Variants in ADAMTS16 observed in about 807,000 individuals in gnomAD.
The protein encoded by ADAMTS16 is A disintegrin and metalloproteinase with thrombospondin motifs 16.
ADAMTS16 carries 94 observed loss-of-function variants against 145.8 expected under a neutral mutation model. The observed-to-expected ratio is 0.64, with a 90% confidence interval of 0.55 to 0.77. The LOEUF (loss-of-function observed/expected upper bound fraction) is 0.77. ADAMTS16 is among the 30% of genes least tolerant of loss of function. ADAMTS16 has a pLI of 0.00. For missense variants in ADAMTS16, 1,585 were observed against 1,591.5 expected (o/e 1.00, Z 0.07); for synonymous variants, 659 against 604.3 (o/e 1.09, Z -1.33).
chr5:5,238,601 A>C (rs1203572567), intron 14 of ADAMTS16, among the ~76,000 whole-genome samples: 2 of 152,104 alleles, frequency 1.3e-5, no homozygotes, highest in Admixed American at 1.3e-4. Context: ...TTTTTTTTGT[A>C]CATATAGAGC....
chr5:5,190,161 T>G, intron 7 of ADAMTS16, 31 bp downstream of exon 7: 1 of 1,536,700 alleles, frequency 6.5e-7, no homozygotes. Flanking sequence ...GTGAGGACCG[T>G]GTGTGGAATG....
At chr5:5,303,052 A>AATGACAGAGCATGAATCAGG (rs1170501995) in intron 18 of ADAMTS16, among the ~76,000 whole-genome samples, 1 of 152,220 alleles carries the variant, frequency 6.6e-6, no homozygotes. Context: ...GAAGGGAAAG[A>AATGACAGAGCATGAATCAGG]ATGACAGAGC....
At chr5:5,198,831 TC>T (rs1394852101) in intron 8 of ADAMTS16, among the ~76,000 whole-genome samples, 2 of 152,220 alleles carry the variant, frequency 1.3e-5, no homozygotes, top group Non-Finnish European at 2.9e-5. Context: ...TGTCTTCCTG[TC>T]CCTGCTGCCT....
intron 12 of ADAMTS16, among the ~76,000 whole-genome samples, chr5:5,233,211 G>T (rs915287493): frequency 1.4e-4 from 22 of 152,170 alleles, no homozygotes; most frequent in African/African-American, 5.1e-4. Flanking sequence ...CAAATTTGGG[G>T]GTTTTCCATC....
At chr5:5,197,383 G>C (rs1043652430) in intron 8 of ADAMTS16, among the ~76,000 whole-genome samples, 2 of 152,170 alleles carry the variant, frequency 1.3e-5, no homozygotes, top group African/African-American at 4.8e-5. Flanking sequence ...ATTTCCGTCT[G>C]GGTATTTGAG....
At chr5:5,208,544 T>A (rs188276916) in intron 9 of ADAMTS16, among the ~76,000 whole-genome samples, 64 of 152,228 alleles carry the variant, frequency 4.2e-4, no homozygotes, top group African/African-American at 1.5e-3. Context: ...GACTTGGGGG[T>A]CATCAGAAAT....
chr5:5,162,201 C>G (rs976097531), intron 3 of ADAMTS16, among the ~76,000 whole-genome samples: 1 of 152,224 alleles, frequency 6.6e-6, no homozygotes, highest in East Asian at 1.9e-4. Flanking sequence ...GAAACAAGCA[C>G]CTACTGTATG....
intron 18 of ADAMTS16, among the ~76,000 whole-genome samples, chr5:5,289,651 G>C (rs536537354): frequency 1.3e-5 from 2 of 152,226 alleles, no homozygotes; most frequent in Non-Finnish European, 2.9e-5. Flanking sequence ...TAAATCAGCA[G>C]GTGGCAACCT....
At chr5:5,163,749 G>C (rs1288051110) in intron 3 of ADAMTS16, among the ~76,000 whole-genome samples, 1 of 152,200 alleles carries the variant, frequency 6.6e-6, no homozygotes, top group African/African-American at 2.4e-5. Context: ...AGGTCAACTT[G>C]CTTGAGAGTA....
At chr5:5,250,839 A>T (rs1453529472) in intron 17 of ADAMTS16, among the ~76,000 whole-genome samples, 1 of 152,104 alleles carries the variant, frequency 6.6e-6, no homozygotes, top group Non-Finnish European at 1.5e-5. Context: ...AATATATAAG[A>T]TGAATCAAAG....
intron 18 of ADAMTS16, among the ~76,000 whole-genome samples, chr5:5,281,164 G>A (rs994519735): frequency 2.6e-5 from 4 of 152,202 alleles, no homozygotes; most frequent in African/African-American, 9.6e-5. Context: ...CAAGAAAGCT[G>A]AAGCTTTAAG....
At chr5:5,190,787 G>A (rs1735643863) in intron 7 of ADAMTS16, among the ~76,000 whole-genome samples, 1 of 152,126 alleles carries the variant, frequency 6.6e-6, no homozygotes, top group South Asian at 2.1e-4. Context: ...TTAACGTGGT[G>A]TCCCGGCTGC....
intron 18 of ADAMTS16, among the ~76,000 whole-genome samples, chr5:5,264,327 A>C (rs918032387): frequency 3.3e-5 from 5 of 152,032 alleles, no homozygotes; most frequent in Non-Finnish European, 7.4e-5. Context: ...ACCACCTGAG[A>C]TCACATATTT....
In ADAMTS16 at chr5:5,242,243, C is replaced by T. The variant is rs1443092960; in HGVS notation, c.2662+52C>T. On this transcript the variant is annotated intron_variant, in intron 17 of 22. Coordinates refer to ENST00000274181, the MANE Select transcript of ADAMTS16 (RefSeq NM_139056.4). ...GAGGCAGCATGTCAGCCTTCAGCCA[C>T]TGCGTACATTGCACTGGCCTTTCTT... 5 of 1,602,468 alleles carry T rather than the reference C, an allele frequency of 3.1e-6. No homozygotes were observed. In the Admixed American group the frequency reaches 5.0e-5, roughly 16 times the overall value.
intron 2 of ADAMTS16, among the ~76,000 whole-genome samples, chr5:5,141,290 A>G (rs1734162674): frequency 6.6e-6 from 1 of 152,234 alleles, no homozygotes; most frequent in Non-Finnish European, 1.5e-5. Context: ...TACTTCAAAC[A>G]TAATAGTGCC....
chr5:5,264,504 C>T (rs988149671), intron 18 of ADAMTS16, among the ~76,000 whole-genome samples: 14 of 152,130 alleles, frequency 9.2e-5, no homozygotes, highest in African/African-American at 2.4e-4. Flanking sequence ...GTACTCTCCC[C>T]GAGGCAATAA....
rs72647766 is a variant in ADAMTS16, at chr5:5,319,460, CA to C, written c.*327del. 4,276 of 358,248 alleles carry C rather than the reference CA, an allele frequency of 0.012. 41 individuals carry two copies. Among genetic ancestry groups the C allele is most frequent in the Non-Finnish European group, 0.016 (3,078 of 193,002 alleles). 22.2% of individuals were successfully genotyped at this position (358,248 alleles called of 1,614,324 possible). On this transcript the variant is annotated 3_prime_UTR_variant, in exon 23 of 23. Coordinates refer to ENST00000274181, the MANE Select transcript of ADAMTS16 (RefSeq NM_139056.4). ...CCTGCCTGTTGCAGCTAAATCAAGT[CA>C]AAAAGACAGGCGAGGCTGAACTTGC...
intron 16 of ADAMTS16, among the ~76,000 whole-genome samples, chr5:5,240,584 T>G (rs1471291550): frequency 1.3e-5 from 2 of 152,128 alleles, no homozygotes; most frequent in African/African-American, 2.4e-5. Context: ...TGAAAGAAGG[T>G]TCTTGGTTCA....
Position 5,140,394 on chromosome 5 carries a change from G to A in ADAMTS16, c.-74G>A. 7.0e-7 allele frequency: 1 copy of A among 1,421,180 alleles called. No homozygotes were observed. The highest frequency in any genetic ancestry group is 9.3e-7 in the Non-Finnish European group (1 of 1,079,818). The allele number at this position is 1,421,180 out of a possible 1,614,324, so 88.0% of individuals were successfully genotyped here. On this transcript the variant is annotated 5_prime_UTR_variant, in exon 1 of 23. Transcript: ENST00000274181. ...ATCCTCCCGCGCTCTGCCTGGGTCG[G>A]GTCCTCCCTGCCCGCTCGCACGCTG...
Sources: gnomAD v4.1 joint callset for allele counts (sites outside exome capture counted in the v4.1 genomes callset) on GRCh38, gnomAD v4.1.1 for gene constraint, MANE v1.5 for transcripts, NCBI Gene and HGNC (gene_info 2026-07-23, HGNC 2026-07-21) for gene names.